Variants in PKDCC observed in about 807,000 individuals in gnomAD.
The protein encoded by PKDCC is protein kinase domain containing, cytoplasmic.
In PKDCC, 35 loss-of-function variants were observed where a neutral mutation model predicts 44.7. That is an observed-to-expected ratio of 0.78 (90% CI 0.60 to 1.04). The LOEUF (loss-of-function observed/expected upper bound fraction) is 1.04. Among genes scored for constraint, PKDCC ranks in the 50% least tolerant of loss-of-function variants. The pLI is 0.00. For missense variants in PKDCC, 738 were observed against 672.7 expected, an observed-to-expected ratio of 1.10 and a Z score of -1.07; for synonymous variants, 353 against 303.3, an observed-to-expected ratio of 1.16 and a Z score of -1.70.
Position 42,048,316 on chromosome 2 carries a change from T to A in PKDCC, c.117T>A (p.Pro39=). The A allele has an allele frequency of 8.3e-7, 1 of 1,197,932 alleles. No homozygotes were observed. 74.2% of individuals were successfully genotyped at this position (1,197,932 alleles called of 1,614,324 possible). A position where few individuals can be genotyped will look rare whatever the true frequency, so the allele number is the denominator to read the frequency against. ...GSEPPRPGQS[P]EPSPAPGPGR... ...AGCCTCCGAGGCCAGGCCAGTCCCC[T>A]GAGCCTTCGCCGGCCCCGGGTCCGG... is the stretch of plus-strand genomic sequence containing the variant. The change falls in exon 1 of 7, where the codon CCT becomes CCA. Residue 39 remains proline (P), a synonymous_variant. Transcript: ENST00000294964. This position sits in a 1 kb window ranked among gnomAD's most constrained non-coding sequence, Gnocchi z 6.2.
At position 42,054,501 on chromosome 2, in the gene PKDCC, G is replaced by A. The variant is rs2103929706; in HGVS notation, c.1034+194G>A. ...GAGGCTAAAAATAGACAGCTCCAAG[G>A]AGAATCCGGGTTAGGGGGTGGCAGC... On this transcript the variant is annotated intron_variant, in intron 3 of 6. Coordinates refer to ENST00000294964, the MANE Select transcript of PKDCC (RefSeq NM_138370.3). This position sits in a 1 kb window ranked among gnomAD's most constrained non-coding sequence, Gnocchi z 6.1. 1.5e-6 allele frequency: 1 copy of A among 675,724 alleles called. No homozygotes were observed. The highest frequency in any genetic ancestry group is 2.4e-6 in the Non-Finnish European group (1 of 409,476). The allele number at this position is 675,724 out of a possible 1,614,324, so 41.9% of individuals were successfully genotyped here.
rs906627719 is a variant in PKDCC at position 42,055,671 on chromosome 2, A to G, written c.1222+278A>G. The G allele has an allele frequency of 2.7e-6, 1 of 373,388 alleles. No homozygotes were observed. The highest frequency in any genetic ancestry group is 4.9e-6 in the Non-Finnish European group (1 of 204,826). The allele number at this position is 373,388 out of a possible 1,614,324, so 23.1% of individuals were successfully genotyped here. On this transcript the variant is annotated intron_variant, in intron 5 of 6. Coordinates refer to ENST00000294964, the MANE Select transcript of PKDCC (RefSeq NM_138370.3). This position sits in a 1 kb window ranked among gnomAD's most constrained non-coding sequence, Gnocchi z 4.5. ...CCAAACCCTATCATGTACTGGCTAT[A>G]TGACTTTGAGCAAGTTACCCCTTGA...
chr2:42,055,089 G>C lies in PKDCC; in HGVS notation c.1114+69G>C, dbSNP rs1572762441. ...CCCCACCCGCCAGCAAAAGTGGGGA[G>C]AAAAATAACCCAGGGCAGCAGGGGT... On this transcript the variant is annotated intron_variant, in intron 4 of 6. Transcript: ENST00000294964. This position sits in a 1 kb window ranked among gnomAD's most constrained non-coding sequence, Gnocchi z 4.5. 1 of 1,511,368 alleles carries C rather than the reference G, an allele frequency of 6.6e-7. No homozygotes were observed. The highest frequency in any genetic ancestry group is 9.2e-7 in the Non-Finnish European group (1 of 1,089,350). 93.6% of individuals were successfully genotyped at this position (1,511,368 alleles called of 1,614,324 possible).
rs1315388232 is a variant in PKDCC at position 42,051,353 on chromosome 2, T to G, written c.640-1886T>G. 2.0e-5 allele frequency among the ~76,000 whole-genome samples: 3 copies of G among 147,838 alleles called. No homozygotes were observed. Among genetic ancestry groups the G allele is most frequent in the African/African-American group, 7.6e-5 (3 of 39,664 alleles). ...CTCTCCCCACCTCCCCCTCCCCCAGTCATCCTGGGGCCCCCAGGCCTTGGA... is the reference window on the plus strand; with the variant it reads ...CTCTCCCCACCTCCCCCTCCCCCAGGCATCCTGGGGCCCCCAGGCCTTGGA... On this transcript the variant is annotated intron_variant, in intron 1 of 6. Coordinates refer to ENST00000294964, the MANE Select transcript of PKDCC (RefSeq NM_138370.3). The surrounding 1 kb of genome is among the most constrained non-coding windows in gnomAD (Gnocchi z 4.2).
Position 42,048,517 on chromosome 2 carries a change from G to A in PKDCC, c.318G>A (p.Arg106=). ...GLPRPRPPWA[R]PLSDGAPGWP... ...CGCGCCCCCGGCCCCCTTGGGCCCG[G>A]CCCCTGTCCGACGGCGCCCCAGGCT... is the stretch of plus-strand genomic sequence containing the variant. The change falls in exon 1 of 7, where the codon CGG becomes CGA. Residue 106 remains arginine, a synonymous_variant. Coordinates refer to ENST00000294964, the MANE Select transcript of PKDCC (RefSeq NM_138370.3). This position sits in a 1 kb window ranked among gnomAD's most constrained non-coding sequence, Gnocchi z 6.2. 8.5e-7 allele frequency: 1 copy of A among 1,177,886 alleles called. No individual in the cohort carries two copies. Among genetic ancestry groups the A allele is most frequent in the Non-Finnish European group, 1.0e-6 (1 of 958,400 alleles). The allele number at this position is 1,177,886 out of a possible 1,614,324, so 73.0% of individuals were successfully genotyped here. A position where few individuals can be genotyped will look rare whatever the true frequency, so the allele number is the denominator to read the frequency against.
chr2:42,053,683 A>G, intron 2 of PKDCC: 1 of 517,674 alleles, frequency 1.9e-6, no homozygotes, highest in Non-Finnish European at 3.4e-6. Context: ...TCCTAGAACT[A>G]GGAAAGACCT....
chr2:42,048,882 G>T lies in PKDCC; in HGVS notation c.639+44G>T. On this transcript the variant is annotated intron_variant, in intron 1 of 6. Coordinates refer to ENST00000294964, the MANE Select transcript of PKDCC (RefSeq NM_138370.3). The surrounding 1 kb of genome is among the most constrained non-coding windows in gnomAD (Gnocchi z 6.2). Reference sequence around the variant, plus strand: ...GGGGGTAACGGTGTTGGCTGGGAGTGCCCAAGACCTTGTCAACCTGGCTGG... The same window carrying T: ...GGGGGTAACGGTGTTGGCTGGGAGTTCCCAAGACCTTGTCAACCTGGCTGG... The T allele has an allele frequency of 7.1e-7, 1 of 1,412,942 alleles. No individual in the cohort carries two copies. The highest frequency in any genetic ancestry group is 1.6e-5 in the South Asian group (1 of 61,648). The allele number at this position is 1,412,942 out of a possible 1,614,324, so 87.5% of individuals were successfully genotyped here.
Position 42,048,956 on chromosome 2 carries a change from T to C in PKDCC, c.639+118T>C, listed in dbSNP as rs1667922905. ...GCCAGTGACTGCACCCAGGCTAAGC[T>C]AGACGCAGAAACCGGACCATGGCCC... is the stretch of plus-strand genomic sequence containing the variant. On this transcript the variant is annotated intron_variant, in intron 1 of 6. Transcript: ENST00000294964. This position sits in a 1 kb window ranked among gnomAD's most constrained non-coding sequence, Gnocchi z 6.2. 7.6e-7 allele frequency: 1 copy of C among 1,315,326 alleles called. No homozygotes were observed. The highest frequency in any genetic ancestry group is 1.5e-5 in the African/African-American group (1 of 67,308). The allele number at this position is 1,315,326 out of a possible 1,614,324, so 81.5% of individuals were successfully genotyped here.
At position 42,057,760 on chromosome 2, in the gene PKDCC, C is replaced by A; in HGVS notation, c.*72C>A. 1.6e-6 allele frequency: 2 copies of A among 1,265,490 alleles called. No individual in the cohort carries two copies. Among genetic ancestry groups the A allele is most frequent in the South Asian group, 2.5e-5 (2 of 79,116 alleles). The allele number at this position is 1,265,490 out of a possible 1,614,324, so 78.4% of individuals were successfully genotyped here. A position where few individuals can be genotyped will look rare whatever the true frequency, so the allele number is the denominator to read the frequency against. On this transcript the variant is annotated 3_prime_UTR_variant, in exon 7 of 7. Transcript: ENST00000294964. ...GCTTGCCTGTGGAGGGAGTGACTTG[C>A]ACTGGCAGCACTGCATGTCACCTGG...
At chr2:42,050,358 G>A (rs2103924467) in intron 1 of PKDCC, among the ~76,000 whole-genome samples, 1 of 152,284 alleles carries the variant, frequency 6.6e-6, no homozygotes, top group East Asian at 1.9e-4. Flanking sequence ...AGATCCTGAG[G>A]GAGTGGAGAG....
At position 42,048,817 on chromosome 2, in the gene PKDCC, G is replaced by T. The variant is rs748564232; in HGVS notation, c.618G>T (p.Leu206=). Reference sequence around the variant, plus strand: ...AGGAGATGGTGCTGCTGGAGCGGCTGCGGCACCCCAACGTGCTGCAGGTAC... The same window carrying T: ...AGGAGATGGTGCTGCTGGAGCGGCTTCGGCACCCCAACGTGCTGCAGGTAC... ...LLKEMVLLER[L]RHPNVLQLYG... is the part of the protein sequence containing the mutation. Residue 206 remains leucine (L), a synonymous_variant, in exon 1 of 7, where the codon CTG becomes CTT. Transcript: ENST00000294964. This position sits in a 1 kb window ranked among gnomAD's most constrained non-coding sequence, Gnocchi z 6.2. 2 of 1,473,304 alleles carry T rather than the reference G, an allele frequency of 1.4e-6. No individual in the cohort carries two copies. Among genetic ancestry groups the T allele is most frequent in the South Asian group, 2.8e-5 (2 of 72,584 alleles). 91.3% of individuals were successfully genotyped at this position (1,473,304 alleles called of 1,614,324 possible).
Position 42,054,981 on chromosome 2 carries a change from T to G in PKDCC, c.1075T>G (p.Ser359Ala). 6.2e-7 allele frequency: 1 copy of G among 1,614,104 alleles called. No individual in the cohort carries two copies. The highest frequency in any genetic ancestry group is 8.5e-7 in the Non-Finnish European group (1 of 1,179,988). The change falls in exon 4 of 7, where the codon TCA (serine) becomes GCA (alanine). Residue 359 changes from serine to alanine, a missense_variant. Transcript: ENST00000294964. This position sits in a 1 kb window ranked among gnomAD's most constrained non-coding sequence, Gnocchi z 6.1. ...CCTCCTGCCTCACAGTGCCCCGCCT[T>G]CACTGCGTCCTCTGCTGGACAGCAT... ...TYLLPHSAPPSLRPLLDSIVN... is the reference protein window; with the variant it reads ...TYLLPHSAPPALRPLLDSIVN...
chr2:42,054,215 C>G lies in PKDCC; in HGVS notation c.942C>G (p.Leu314=). 1 of 1,604,042 alleles carries G rather than the reference C, an allele frequency of 6.2e-7. No homozygotes were observed. The highest frequency in any genetic ancestry group is 1.1e-5 in the South Asian group (1 of 89,554). The change falls in exon 3 of 7, where the codon CTC becomes CTG. Residue 314 remains leucine, a synonymous_variant. Transcript: ENST00000294964. This position sits in a 1 kb window ranked among gnomAD's most constrained non-coding sequence, Gnocchi z 6.1. Reference sequence around the variant, plus strand: ...GTGCAGGCAGCACCGACTGCATACTCGAGTTTCCGGCCAGGAACTTCACCC... The same window carrying G: ...GTGCAGGCAGCACCGACTGCATACTGGAGTTTCCGGCCAGGAACTTCACCC... The part of the protein sequence containing the change: ...TPCAGSTDCI[L]EFPARNFTLP...
In PKDCC at chr2:42,057,766, C is replaced by A. The variant is rs189604938; in HGVS notation, c.*78C>A. The stretch of plus-strand genomic sequence containing the variant: ...CTGTGGAGGGAGTGACTTGCACTGG[C>A]AGCACTGCATGTCACCTGGGAACCC... On this transcript the variant is annotated 3_prime_UTR_variant, in exon 7 of 7. Transcript: ENST00000294964. 3.0e-5 allele frequency: 38 copies of A among 1,251,640 alleles called. No homozygotes were observed. Among genetic ancestry groups the A allele is most frequent in the South Asian group, 2.0e-4 (16 of 78,876 alleles). The allele number at this position is 1,251,640 out of a possible 1,614,324, so 77.5% of individuals were successfully genotyped here. A position where few individuals can be genotyped will look rare whatever the true frequency, so the allele number is the denominator to read the frequency against.
Position 42,055,706 on chromosome 2 carries a change from TC to T in PKDCC, c.1222+315del, listed in dbSNP as rs1668042349. On this transcript the variant is annotated intron_variant, in intron 5 of 6. Transcript: ENST00000294964. The surrounding 1 kb of genome is among the most constrained non-coding windows in gnomAD (Gnocchi z 4.5). ...GCAAGTTACCCCTTGAACCTCACTTTCCTCATCTGTGAATTGGGTTCACTAT... is the reference window on the plus strand; with the variant it reads ...GCAAGTTACCCCTTGAACCTCACTTTCTCATCTGTGAATTGGGTTCACTAT... 3.6e-6 allele frequency: 1 copy of T among 279,208 alleles called. No individual in the cohort carries two copies. Among genetic ancestry groups the T allele is most frequent in the Admixed American group, 4.8e-5 (1 of 20,634 alleles). The allele number at this position is 279,208 out of a possible 1,614,324, so 17.3% of individuals were successfully genotyped here. A position where few individuals can be genotyped will look rare whatever the true frequency, so the allele number is the denominator to read the frequency against.
rs1234009956 is a variant in PKDCC, at chr2:42,054,672, G to A, written c.1035-269G>A. ...TGCTCCGACACCGGGAGTCAGTCAGGGGATAATGTGGGGCTGGGAGGTGGG... is the reference window on the plus strand; with the variant it reads ...TGCTCCGACACCGGGAGTCAGTCAGAGGATAATGTGGGGCTGGGAGGTGGG... On this transcript the variant is annotated intron_variant, in intron 3 of 6. Transcript: ENST00000294964. This position sits in a 1 kb window ranked among gnomAD's most constrained non-coding sequence, Gnocchi z 6.1. 3.5e-6 allele frequency: 2 copies of A among 564,744 alleles called. No homozygotes were observed. Among genetic ancestry groups the A allele is most frequent in the African/African-American group, 3.7e-5 (2 of 53,368 alleles). 35.0% of individuals were successfully genotyped at this position (564,744 alleles called of 1,614,324 possible).
In PKDCC at chr2:42,054,953, A is replaced by C. The variant is rs775312776; in HGVS notation, c.1047A>C (p.Thr349=). 1 of 1,613,730 alleles carries C rather than the reference A, an allele frequency of 6.2e-7. No individual in the cohort carries two copies. ...NLYNAYRFFF[T]YLLPHSAPPS... is the part of the protein sequence containing the mutation. Reference sequence around the variant, plus strand: ...CCCTCTGCCACAGGTTTTTCTTCACATACCTCCTGCCTCACAGTGCCCCGC... The same window carrying C: ...CCCTCTGCCACAGGTTTTTCTTCACCTACCTCCTGCCTCACAGTGCCCCGC... Residue 349 remains threonine, a synonymous_variant, in exon 4 of 7, where the codon ACA becomes ACC. Transcript: ENST00000294964. This position sits in a 1 kb window ranked among gnomAD's most constrained non-coding sequence, Gnocchi z 6.1.
rs981086084 is a variant in PKDCC at position 42,052,003 on chromosome 2, C to G, written c.640-1236C>G. Among the ~76,000 whole-genome samples the G allele has an allele frequency of 2.6e-5, 4 of 152,068 alleles. No homozygotes were observed. The highest frequency in any genetic ancestry group is 5.9e-5 in the Non-Finnish European group (4 of 68,006). ...GGTGCTGGTTGTTTTGAGCACCATA[C>G]GAGCCCCTAGCTGCTGTGGAGTATG... On this transcript the variant is annotated intron_variant, in intron 1 of 6. Transcript: ENST00000294964. The surrounding 1 kb of genome is among the most constrained non-coding windows in gnomAD (Gnocchi z 4.3).
chr2:42,053,484 C>A, intron 2 of PKDCC, 123 bp downstream of exon 2: 1 of 1,343,416 alleles, frequency 7.4e-7, no homozygotes, highest in Non-Finnish European at 1.0e-6. Context: ...GAGGAAGGCG[C>A]ACAGGCTGAC....
Sources: gnomAD v4.1 joint callset for allele counts (sites outside exome capture counted in the v4.1 genomes callset) on GRCh38, gnomAD v4.1.1 for gene constraint, Gnocchi (gnomAD v3.1) non-coding constraint, MANE v1.5 for transcripts, NCBI Gene and HGNC (gene_info 2026-07-23, HGNC 2026-07-21) for gene names.